The following MCM8 variants were observed in gnomAD, a reference collection of about 807,000 sequenced individuals.
MCM8 encodes DNA helicase MCM8.
Under a neutral mutation model 98.9 loss-of-function variants are expected in MCM8, and 85 were observed. The observed-to-expected ratio is 0.86, with a 90% CI of 0.72 to 1.03. The LOEUF is 1.03. Ranked by LOEUF, MCM8 falls within the 50% of genes least tolerant of loss-of-function variation. The pLI, the probability that MCM8 is intolerant of heterozygous loss-of-function variation, is 0.00. For missense variants in MCM8, 951 were observed against 997.8 expected (o/e 0.95, Z 0.63); for synonymous variants, 352 against 338.6 (o/e 1.04, Z -0.44).
intron 13 of MCM8, among the ~76,000 whole-genome samples, chr20:5,979,502 T>C (rs2089587404): frequency 6.6e-6 from 1 of 152,222 alleles, no homozygotes; most frequent in East Asian, 1.9e-4. Flanking sequence ...AAATCCTGAT[T>C]TTGCCTTTCA....
At chr20:5,959,982 C>G (rs1369772151) in intron 7 of MCM8, among the ~76,000 whole-genome samples, 1 of 152,124 alleles carries the variant, frequency 6.6e-6, no homozygotes, top group Admixed American at 6.5e-5. Flanking sequence ...GCCGGCTGTA[C>G]TTATTTTTAA....
In MCM8 at chr20:5,986,077, A is replaced by G; in HGVS notation, c.2109A>G (p.Leu703=). 1.2e-6 allele frequency: 2 copies of G among 1,614,224 alleles called. No individual in the cohort carries two copies. Among genetic ancestry groups the G allele is most frequent in the South Asian group, 1.1e-5 (1 of 91,086 alleles). ...AGCTCCGGAAACAGAGCCAGAGGTT[A>G]AATAGCTCACCAATCACTACCAGGC... The part of the protein sequence containing the change: ...YLELRKQSQR[L]NSSPITTRQL... Residue 703 remains leucine (L), a synonymous_variant, in exon 16 of 19, where the codon TTA becomes TTG. Transcript: ENST00000610722.
Position 5,994,851 on chromosome 20 carries a change from G to T in MCM8, c.*460G>T, listed in dbSNP as rs2089932518. The T allele has an allele frequency of 2.7e-6, 1 of 374,316 alleles. No homozygotes were observed. Among genetic ancestry groups the T allele is most frequent in the Non-Finnish European group, 5.3e-6 (1 of 189,374 alleles). The allele number at this position is 374,316 out of a possible 1,614,324, so 23.2% of individuals were successfully genotyped here. On this transcript the variant is annotated 3_prime_UTR_variant, in exon 19 of 19. Transcript: ENST00000610722. ...TTGAGCCCAGGAGTTTGAGGTTACA[G>T]TGAGCCACAATCACACCAATCACTG...
At position 5,968,532 on chromosome 20, in the gene MCM8, G is replaced by A. The variant is rs578120811; in HGVS notation, c.1223+507G>A. ...GCACTCCAGCCTGGGCAACAAGAGT[G>A]AAACTCTGTCTTTAAAAAAAAAAAA... On this transcript the variant is annotated intron_variant, in intron 10 of 18. Transcript: ENST00000610722. 7.2e-5 allele frequency among the ~76,000 whole-genome samples: 11 copies of A among 151,944 alleles called. No homozygotes were observed. In the South Asian group the frequency reaches 2.1e-3, roughly 29 times the overall value.
intron 3 of MCM8, among the ~76,000 whole-genome samples, chr20:5,953,636 G>A (rs1043216947): frequency 1.1e-4 from 17 of 152,124 alleles, no homozygotes; most frequent in South Asian, 8.3e-4. Flanking sequence ...ACCACGCCCG[G>A]CTAATTTTTT....
chr20:5,992,263 C>G (rs1600317023), intron 17 of MCM8, among the ~76,000 whole-genome samples: 1 of 152,134 alleles, frequency 6.6e-6, no homozygotes, highest in Non-Finnish European at 1.5e-5. Flanking sequence ...TCACTTTAAT[C>G]TTAGCATAGG....
chr20:5,990,068 CTT>C, intron 17 of MCM8, among the ~76,000 whole-genome samples: 1 of 145,522 alleles, frequency 6.9e-6, no homozygotes. Context: ...TCACACAGTG[CTT>C]TTTTTTTTTT....
At chr20:5,980,009 C>A (rs2089597764) in intron 13 of MCM8, among the ~76,000 whole-genome samples, 1 of 152,176 alleles carries the variant, frequency 6.6e-6, no homozygotes, top group African/African-American at 2.4e-5. Context: ...CCAGGCACGT[C>A]ACATTTCCTC....
chr20:5,985,802 T>C (rs573321228), intron 15 of MCM8, 120 bp from the exon 16 acceptor site: 20 of 946,158 alleles, frequency 2.1e-5, no homozygotes, highest in Non-Finnish European at 3.2e-5. Flanking sequence ...CTCCTTGGCC[T>C]CCCAAAGCGC....
rs765484952 is a variant in MCM8, at chr20:5,955,109, T to C, written c.344T>C (p.Ile115Thr). 3.1e-6 allele frequency: 5 copies of C among 1,592,754 alleles called. No homozygotes were observed. In the South Asian group the frequency reaches 5.6e-5, roughly 18 times the overall value. Residue 115 changes from isoleucine (I) to threonine (T), a missense_variant, in exon 5 of 19, where the codon ATA becomes ACA. Ile to Thr is a moderately conservative substitution (Grantham distance 89). Coordinates refer to ENST00000610722, the MANE Select transcript of MCM8 (RefSeq NM_032485.6). The part of the protein sequence containing the change: ...RHIDLYDKDE[I>T]ERKGSILVDF... ...TACTTTTATATTTTATAGGATGAAA[T>C]AGAAAGAAAGGGAAGTATTTTGGTA... is the stretch of plus-strand genomic sequence containing the variant.
At chr20:5,985,306 T>C (rs2089708452) in intron 15 of MCM8, among the ~76,000 whole-genome samples, 1 of 151,742 alleles carries the variant, frequency 6.6e-6, no homozygotes, top group African/African-American at 2.4e-5. Context: ...TAGCTGGGCA[T>C]GGTGGTGCGT....
chr20:5,960,706 C>T (rs1233219328), intron 7 of MCM8, among the ~76,000 whole-genome samples: 1 of 151,986 alleles, frequency 6.6e-6, no homozygotes, highest in Non-Finnish European at 1.5e-5. Flanking sequence ...GAGGCCGAGG[C>T]GGGCAGATCA....
chr20:5,968,106 C>A, intron 10 of MCM8, 81 bp downstream of exon 10: 3 of 1,238,774 alleles, frequency 2.4e-6, no homozygotes, highest in South Asian at 2.9e-5. Context: ...AAAAACTAGT[C>A]AAAATGGTCG....
intron 12 of MCM8, among the ~76,000 whole-genome samples, chr20:5,975,808 TA>T (rs1293674995): frequency 6.6e-6 from 1 of 151,836 alleles, no homozygotes; most frequent in Non-Finnish European, 1.5e-5. Context: ...TTTTTTTTTT[TA>T]ATAAATGTTT....
At chr20:5,954,784 A>G in intron 4 of MCM8, 94 bp downstream of exon 4, 1 of 761,192 alleles carries the variant, frequency 1.3e-6, no homozygotes, top group South Asian at 1.6e-5. Context: ...CTGGAGTCAG[A>G]CTTCCTTGGT....
intron 7 of MCM8, among the ~76,000 whole-genome samples, chr20:5,959,280 G>A (rs1218893509): frequency 1.3e-5 from 2 of 152,066 alleles, no homozygotes; most frequent in Non-Finnish European, 2.9e-5. Context: ...ACAAAAATAT[G>A]GTTATATAAA....
Position 5,971,919 on chromosome 20 carries a change from T to G in MCM8, c.1224-88T>G. The G allele has an allele frequency of 8.4e-6, 9 of 1,075,884 alleles. 1 individual carries two copies. The South Asian group carries it at 1.3e-4, about 16-fold the overall frequency. The allele number at this position is 1,075,884 out of a possible 1,614,324, so 66.6% of individuals were successfully genotyped here. A position where few individuals can be genotyped will look rare whatever the true frequency, so the allele number is the denominator to read the frequency against. The stretch of plus-strand genomic sequence containing the variant: ...TTTTTACATTTGTCTTTGTTGATAT[T>G]AAGCAGGTTAAACAAATTGTAGAGG... On this transcript the variant is annotated intron_variant, in intron 10 of 18. Coordinates refer to ENST00000610722, the MANE Select transcript of MCM8 (RefSeq NM_032485.6).
chr20:5,955,200 A>C lies in MCM8; in HGVS notation c.435A>C (p.Leu145=), dbSNP rs1332675808. ...TGATACCAGATATAGCAACTGAACT[A>C]AGAGATGCACCTGAGAAAACCTTGG... ...TNLIPDIATE[L]RDAPEKTLAC... is the part of the protein sequence containing the mutation. Residue 145 remains leucine (L), a synonymous_variant, in exon 5 of 19, where the codon CTA becomes CTC. Coordinates refer to ENST00000610722, the MANE Select transcript of MCM8 (RefSeq NM_032485.6). The C allele has an allele frequency of 1.2e-6, 2 of 1,613,982 alleles. No individual in the cohort carries two copies. The highest frequency in any genetic ancestry group is 2.2e-5 in the South Asian group (2 of 91,030).
rs567046566 is a variant in MCM8, at chr20:5,955,332, G to A, written c.486+81G>A. The A allele has an allele frequency of 2.7e-5, 37 of 1,351,228 alleles. No homozygotes were observed. In the Admixed American group the frequency reaches 4.6e-4, roughly 17 times the overall value. The allele number at this position is 1,351,228 out of a possible 1,614,324, so 83.7% of individuals were successfully genotyped here. ...CATGCACACCTTGTCTAAGTTTAAA[G>A]GAAGATTTTACAGTGACTGTACTTT... On this transcript the variant is annotated intron_variant, in intron 5 of 18. Transcript: ENST00000610722.
Sources: gnomAD v4.1 joint callset for allele counts (sites outside exome capture counted in the v4.1 genomes callset) on GRCh38, gnomAD v4.1.1 for gene constraint, MANE v1.5 for transcripts, NCBI Gene and HGNC (gene_info 2026-07-23, HGNC 2026-07-21) for gene names.